Variants in RPL8 observed in about 807,000 individuals in gnomAD.
The protein encoded by RPL8 is ribosomal protein L8, also known as large ribosomal subunit protein uL2.
For missense variants in RPL8, 248 were observed against 365.9 expected (o/e 0.68, Z 2.63); for synonymous variants, 182 against 143.2 (o/e 1.27, Z -1.94).
intron 3 of RPL8, 189 bp from the exon 4 acceptor site, chr8:144,790,659 G>A: frequency 2.9e-6 from 2 of 691,786 alleles, no homozygotes; most frequent in Non-Finnish European, 2.6e-6. Context: ...ACAATGGGCA[G>A]GCAAGCCAAG....
chr8:144,791,544 G>A lies in RPL8; in HGVS notation c.281-49C>T, dbSNP rs774254218. On this transcript the variant is annotated intron_variant, in intron 2 of 4. Coordinates refer to ENST00000528957, the MANE Select transcript of RPL8 (RefSeq NM_001317782.2). ...CCGTCAGCACAGTAAGAAACAATGC[G>A]AACCCCCTCGCTCTAGGCAACCCGC... is the stretch of plus-strand genomic sequence containing the variant. 5 of 1,580,756 alleles carry A rather than the reference G, an allele frequency of 3.2e-6. No homozygotes were observed. In the East Asian group the frequency reaches 1.1e-4, roughly 36 times the overall value.
At chr8:144,791,018 G>A (rs763108482) in intron 3 of RPL8, 3 of 541,234 alleles carry the variant, frequency 5.5e-6, no homozygotes, top group Non-Finnish European at 1.0e-5. Context: ...CAATCAGGAA[G>A]CCCACGGTAG....
In RPL8 at chr8:144,792,381, G is replaced by A. The variant is rs1222311592; in HGVS notation, c.-252C>T. On this transcript the variant is annotated 5_prime_UTR_variant, in exon 1 of 5. Coordinates refer to ENST00000528957, the MANE Select transcript of RPL8 (RefSeq NM_001317782.2). ...GATGACCTACCTGTTCACCAGCGCG[G>A]CCGAAAGAGGAAACACGGCGTCAGC... 2 of 660,776 alleles carry A rather than the reference G, an allele frequency of 3.0e-6. No homozygotes were observed. Among genetic ancestry groups the A allele is most frequent in the Non-Finnish European group, 2.1e-6 (1 of 466,526 alleles). 40.9% of individuals were successfully genotyped at this position (660,776 alleles called of 1,614,324 possible).
intron 3 of RPL8, chr8:144,790,915 C>T (rs1271847457): frequency 1.5e-5 from 7 of 466,602 alleles, no homozygotes; most frequent in Non-Finnish European, 2.9e-5. Flanking sequence ...GACTCAAATC[C>T]TTTTTCACTC....
chr8:144,790,844 C>T lies in RPL8; in HGVS notation c.500-374G>A, dbSNP rs141179650. ...ACACAACCTCAGAGCCTCCCCTGTG[C>T]GAGGCTGAGTTCATCACAAGGATTC... On this transcript the variant is annotated intron_variant, in intron 3 of 4. Coordinates refer to ENST00000528957, the MANE Select transcript of RPL8 (RefSeq NM_001317782.2). 703 of 532,222 alleles carry T rather than the reference C, an allele frequency of 1.3e-3. 8 individuals are homozygous for T. In the East Asian group the frequency reaches 0.02, roughly 15 times the overall value. The allele number at this position is 532,222 out of a possible 1,614,324, so 33.0% of individuals were successfully genotyped here.
At position 144,791,265 on chromosome 8, in the gene RPL8, C is replaced by T; in HGVS notation, c.499+12G>A. ...CACAGCCCTCAGCATTCAACTGCTG[C>T]CTGATACTCACCAACCACAGCTCTG... On this transcript the variant is annotated intron_variant, in intron 3 of 4. Coordinates refer to ENST00000528957, the MANE Select transcript of RPL8 (RefSeq NM_001317782.2). 6.2e-7 allele frequency: 1 copy of T among 1,610,764 alleles called. No homozygotes were observed.
At chr8:144,790,690 G>C (rs1586750189) in intron 3 of RPL8, 2 of 690,058 alleles carry the variant, frequency 2.9e-6, no homozygotes, top group East Asian at 5.5e-5. Context: ...CCATCACCTA[G>C]AATGCTGGCT....
At chr8:144,790,517 C>T in intron 3 of RPL8, 47 bp from the exon 4 acceptor site, 3 of 1,366,224 alleles carry the variant, frequency 2.2e-6, no homozygotes, top group Non-Finnish European at 3.1e-6. Context: ...GGTCAGAGCA[C>T]CCCCACCTCC....
Position 144,789,849 on chromosome 8 carries a change from A to G in RPL8, c.729T>C (p.Thr243=), listed in dbSNP as rs372760214. Residue 243 remains threonine (T), a synonymous_variant, in exon 5 of 5, where the codon ACT becomes ACC. Transcript: ENST00000528957. The stretch of plus-strand genomic sequence containing the variant: ...CAGTCTTGGTTCCCCGGAGACGTCC[A>G]GTCCGGCGGGCAGCAATGAGACCCA... ...RKVGLIAARR[T]GRLRGTKTVQ... 16 of 1,613,348 alleles carry G rather than the reference A, an allele frequency of 9.9e-6. No individual in the cohort carries two copies. The African/African-American group carries it at 2.1e-4, about 22-fold the overall frequency.
In RPL8 at chr8:144,791,409, G is replaced by A. The variant is rs750534485; in HGVS notation, c.367C>T (p.Arg123Cys). ...CCTGATGCCCGGGCCAGCTTGCCAC[G>A]GTCTCCAGGCTTCTCCTCCAGGCAG... ...VCCLEEKPGD[R>C]GKLARASGNY... is the part of the protein sequence containing the mutation. Residue 123 changes from arginine (R) to cysteine (C), a missense_variant, in exon 3 of 5, where the codon CGT becomes TGT. Transcript: ENST00000528957. The A allele has an allele frequency of 1.9e-6, 3 of 1,613,924 alleles. No homozygotes were observed. Among genetic ancestry groups the A allele is most frequent in the Admixed American group, 1.7e-5 (1 of 60,024 alleles).
Position 144,791,506 on chromosome 8 carries a change from A to C in RPL8, c.281-11T>G. On this transcript the variant is annotated splice_polypyrimidine_tract_variant and intron_variant, in intron 2 of 4. Transcript: ENST00000528957. ...CAATGTTGAGCTGGGCTGCAAGGGG[A>C]AGCAGCATCAGGCCGTCAGCACAGT... 2 of 1,612,524 alleles carry C rather than the reference A, an allele frequency of 1.2e-6. No homozygotes were observed. The highest frequency in any genetic ancestry group is 1.3e-5 in the African/African-American group (1 of 74,988).
At chr8:144,789,998 C>T (rs765803082) in intron 4 of RPL8, 36 bp from the exon 5 acceptor site, 3 of 1,569,422 alleles carry the variant, frequency 1.9e-6, no homozygotes, top group Non-Finnish European at 2.6e-6. Flanking sequence ...GAAACCTCTT[C>T]CCCACCACCC....
rs373216965 is a variant in RPL8 at position 144,790,417 on chromosome 8, C to A, written c.553G>T (p.Ala185Ser). The change falls in exon 4 of 5, where the codon GCG becomes TCG. Residue 185 changes from alanine (A) to serine (S), a missense_variant. By Grantham distance (99) the Ala-to-Ser change is moderately conservative. Transcript: ENST00000528957. Reference sequence around the variant, plus strand: ...CTCTTTGCCTTATATTTGTGGTACGCCCGGCCAGCCTTCAAGATGGGTTTG... The same window carrying A: ...CTCTTTGCCTTATATTTGTGGTACGACCGGCCAGCCTTCAAGATGGGTTTG... ...IDKPILKAGR[A>S]YHKYKAKRNC... is the part of the protein sequence containing the mutation. 6.2e-7 allele frequency: 1 copy of A among 1,614,152 alleles called. No homozygotes were observed. Among genetic ancestry groups the A allele is most frequent in the Admixed American group, 1.7e-5 (1 of 60,012 alleles).
chr8:144,791,615 C>G, intron 2 of RPL8, 120 bp from the exon 3 acceptor site: 1 of 1,472,298 alleles, frequency 6.8e-7, no homozygotes, highest in African/African-American at 1.4e-5. Flanking sequence ...CGGTACAACT[C>G]TCTCGGCACC....
At chr8:144,791,692 T>C in intron 2 of RPL8, 81 bp downstream of exon 2, 1 of 1,593,082 alleles carries the variant, frequency 6.3e-7, no homozygotes, top group Non-Finnish European at 8.6e-7. Context: ...GAGGTTCCCA[T>C]ATCGGCTTAG....
At chr8:144,790,612 T>G in intron 3 of RPL8, 142 bp from the exon 4 acceptor site, 1 of 705,640 alleles carries the variant, frequency 1.4e-6, no homozygotes, top group South Asian at 1.5e-5. Context: ...AGGGAGCCCC[T>G]TGCACCCTGT....
intron 4 of RPL8, 96 bp from the exon 5 acceptor site, chr8:144,790,058 C>T (rs1563799398): frequency 7.1e-7 from 1 of 1,406,038 alleles, no homozygotes; most frequent in Non-Finnish European, 9.5e-7. Flanking sequence ...TTCCGCGAAG[C>T]CCCTCTCCAC....
chr8:144,790,024 G>C (rs1826441914), intron 4 of RPL8, 62 bp from the exon 5 acceptor site: 6 of 1,515,052 alleles, frequency 4.0e-6, no homozygotes, highest in Non-Finnish European at 5.3e-6. Context: ...CCCGGCCTCG[G>C]GGTCCCACCC....
chr8:144,789,942 T>G lies in RPL8; in HGVS notation c.636A>C (p.Gly212=), dbSNP rs1455438003. 1.2e-6 allele frequency: 2 copies of G among 1,612,406 alleles called. No homozygotes were observed. The highest frequency in any genetic ancestry group is 2.2e-5 in the South Asian group (2 of 90,948). The change falls in exon 5 of 5, where the codon GGA becomes GGC. Residue 212 remains glycine, a synonymous_variant. Transcript: ENST00000528957. The part of the protein sequence containing the change: ...VAMNPVEHPF[G]GGNHQHIGKP... ...TGCCGATGTGCTGGTGGTTGCCACC[T>G]CCAAAAGGATGCTCCACAGGCTGCA...
Sources: allele counts gnomAD v4.1 joint callset, GRCh38; gene constraint gnomAD v4.1.1; transcripts MANE v1.5; gene names NCBI Gene and HGNC (gene_info 2026-07-23, HGNC 2026-07-21).